Variants in MPDZ observed in about 807,000 individuals in gnomAD.
MPDZ encodes the protein multiple PDZ domain crumbs cell polarity complex component.
A neutral mutation model predicts 239.1 loss-of-function variants in MPDZ; 234 were observed. The ratio of observed to expected loss-of-function variants is 0.98; its 90% CI spans 0.88 to 1.09. MPDZ has a LOEUF of 1.09. MPDZ is among the 50% of genes least tolerant of loss of function. The pLI is 0.00. For synonymous variants in MPDZ, 1,048 were observed against 881.3 expected, an observed-to-expected ratio of 1.19 and a Z score of -3.35; for missense variants, 3,175 against 2,510.0, an observed-to-expected ratio of 1.26 and a Z score of -5.66.
intron 21 of MPDZ, among the ~76,000 whole-genome samples, chr9:13,171,790 C>A (rs1300464169): frequency 1.3e-5 from 2 of 152,096 alleles, no homozygotes; most frequent in Non-Finnish European, 2.9e-5. Context: ...TTAATAACTT[C>A]TTCTGGTCAT....
At chr9:13,200,009 G>C (rs1429287327) in intron 12 of MPDZ, among the ~76,000 whole-genome samples, 2 of 151,968 alleles carry the variant, frequency 1.3e-5, no homozygotes, top group Non-Finnish European at 2.9e-5. Flanking sequence ...CAATTTTTTG[G>C]AATAGTTTAG....
At chr9:13,235,353 T>A (rs1963665242) in intron 3 of MPDZ, among the ~76,000 whole-genome samples, 2 of 152,190 alleles carry the variant, frequency 1.3e-5, no homozygotes, top group Non-Finnish European at 2.9e-5. Context: ...CAATTTTACA[T>A]TTTCTATGAG....
intron 2 of MPDZ, 70 bp downstream of exon 2, chr9:13,250,230 C>T: frequency 6.9e-7 from 1 of 1,445,564 alleles, no homozygotes; most frequent in Non-Finnish European, 9.5e-7. Context: ...TTAAACACAA[C>T]ATATGTCAAA....
At chr9:13,211,921 T>C (rs1306262223) in intron 10 of MPDZ, among the ~76,000 whole-genome samples, 1 of 152,112 alleles carries the variant, frequency 6.6e-6, no homozygotes, top group African/African-American at 2.4e-5. Flanking sequence ...TTTTATATTC[T>C]TTAAACCTTA....
At chr9:13,154,667 G>T (rs947071988) in intron 24 of MPDZ, among the ~76,000 whole-genome samples, 2 of 152,108 alleles carry the variant, frequency 1.3e-5, no homozygotes, top group African/African-American at 4.8e-5. Context: ...GATGGTGGTG[G>T]TTGTGGTGGT....
In MPDZ at chr9:13,216,881, T is replaced by C; in HGVS notation, c.1202-19A>G. ...GAAGGTTCTAAGATTAGAAATAGTT[T>C]ATTTTTCACAATTTTCAAAGCACAT... On this transcript the variant is annotated intron_variant, in intron 9 of 46. Transcript: ENST00000319217. The C allele has an allele frequency of 6.3e-7, 1 of 1,576,244 alleles. No homozygotes were observed. Among genetic ancestry groups the C allele is most frequent in the Non-Finnish European group, 8.7e-7 (1 of 1,151,702 alleles).
chr9:13,126,748 T>C lies in MPDZ; in HGVS notation c.4489A>G (p.Ile1497Val), dbSNP rs749945198. The change falls in exon 33 of 47, where the codon ATC (isoleucine) becomes GTC (valine). Residue 1497 changes from isoleucine (I) to valine (V), a missense_variant. Transcript: ENST00000319217. Reference protein sequence around the residue: ...PKDQGGLGIAISEEDTLSGVI... With the variant: ...PKDQGGLGIAVSEEDTLSGVI... Reference sequence around the variant, plus strand: ...CCACTGAGTGTATCTTCTTCGCTGATAGCAATACCCAAACCCCCCTGATCC... The same window carrying C: ...CCACTGAGTGTATCTTCTTCGCTGACAGCAATACCCAAACCCCCCTGATCC... 5 of 1,613,916 alleles carry C rather than the reference T, an allele frequency of 3.1e-6. No homozygotes were observed. Among genetic ancestry groups the C allele is most frequent in the Non-Finnish European group, 2.5e-6 (3 of 1,179,832 alleles).
chr9:13,173,714 A>AG (rs1458692100), intron 21 of MPDZ, among the ~76,000 whole-genome samples: 2 of 152,044 alleles, frequency 1.3e-5, no homozygotes, highest in African/African-American at 4.8e-5. Context: ...CAAAAAAAAA[A>AG]AAAAAATTGG....
Position 13,176,386 on chromosome 9 carries a change from A to G in MPDZ, c.2681T>C (p.Leu894Pro). 1 of 1,589,030 alleles carries G rather than the reference A, an allele frequency of 6.3e-7. No homozygotes were observed. The highest frequency in any genetic ancestry group is 1.3e-5 in the African/African-American group (1 of 74,356). Reference sequence around the variant, plus strand: ...TTCCTCCAGAGACATATGCAGATCAAGTACTGGATCACAAGAATTTTCAAT... The same window carrying G: ...TTCCTCCAGAGACATATGCAGATCAGGTACTGGATCACAAGAATTTTCAAT... ...DVIENSCDPVLDLHMSLEELY... is the reference protein window; with the variant it reads ...DVIENSCDPVPDLHMSLEELY... Residue 894 changes from leucine (L) to proline (P), a missense_variant, in exon 20 of 47, where the codon CTT (leucine) becomes CCT (proline). Leu to Pro is a moderately conservative substitution (Grantham distance 98). Coordinates refer to ENST00000319217, the MANE Select transcript of MPDZ (RefSeq NM_001378778.1).
At position 13,205,883 on chromosome 9, in the gene MPDZ, G is replaced by A. The variant is rs975683401; in HGVS notation, c.1474+33C>T. The A allele has an allele frequency of 5.9e-6, 9 of 1,516,876 alleles. No individual in the cohort carries two copies. In the African/African-American group the frequency reaches 8.4e-5, roughly 14 times the overall value. The allele number at this position is 1,516,876 out of a possible 1,614,324, so 94.0% of individuals were successfully genotyped here. ...AAAAAAAATTGGAGACAATATAAAG[G>A]TCTAACTAAAAACCAGATTAACATA... On this transcript the variant is annotated intron_variant, in intron 11 of 46. Transcript: ENST00000319217.
intron 23 of MPDZ, among the ~76,000 whole-genome samples, chr9:13,161,984 C>G (rs533689182): frequency 6.6e-6 from 1 of 152,208 alleles, no homozygotes; most frequent in African/African-American, 2.4e-5. Context: ...TGTTTCTGGT[C>G]TAGGCATGGT....
rs1282116755 is a variant in MPDZ at position 13,186,354 on chromosome 9, C to G, written c.2397G>C (p.Lys799Asn). ...GTGGTGGGTAGAGAAAGGAATCCTC[C>G]TTAGCAGAAACATAACCTTCTTCTG... ...LSPEEGYVSA[K>N]EDSFLYPPHS... Residue 799 changes from lysine to asparagine, a missense_variant, in exon 18 of 47, where the codon AAG (lysine) becomes AAC (asparagine). Transcript: ENST00000319217. 1.3e-6 allele frequency: 2 copies of G among 1,587,716 alleles called. No individual in the cohort carries two copies. Among genetic ancestry groups the G allele is most frequent in the Admixed American group, 1.8e-5 (1 of 56,624 alleles).
At chr9:13,151,215 G>A (rs912011275) in intron 24 of MPDZ, among the ~76,000 whole-genome samples, 9 of 151,930 alleles carry the variant, frequency 5.9e-5, no homozygotes, top group African/African-American at 2.2e-4. Context: ...TGGTAGAAAT[G>A]TAAAATCGTG....
chr9:13,254,125 C>A (rs549494899), intron 1 of MPDZ, among the ~76,000 whole-genome samples: 1 of 152,116 alleles, frequency 6.6e-6, no homozygotes, highest in Non-Finnish European at 1.5e-5. Flanking sequence ...AAAGTGAAAC[C>A]AAAGGAAGAA....
intron 11 of MPDZ, 24 bp from the exon 12 acceptor site, chr9:13,205,131 A>T: frequency 7.9e-7 from 1 of 1,261,800 alleles, no homozygotes; most frequent in Non-Finnish European, 1.1e-6. Flanking sequence ...ATATTTTAGT[A>T]ATTTTATCTT....
Position 13,133,899 on chromosome 9 carries a change from C to G in MPDZ, c.4389G>C (p.Glu1463Asp), listed in dbSNP as rs1946374372. The part of the protein sequence containing the change: ...NSENLQNKET[E>D]PTVTTSDAAV... ...CTGCATCAGAAGTAGTAACAGTTGG[C>G]TCTGTCTGACAGAGGGAAAGAAATG... The change falls in exon 32 of 47, where the codon GAG becomes GAC. Residue 1463 changes from glutamate (E) to aspartate (D), a missense_variant. By Grantham distance (45) the Glu-to-Asp change is conservative. Coordinates refer to ENST00000319217, the MANE Select transcript of MPDZ (RefSeq NM_001378778.1). 1 of 1,562,628 alleles carries G rather than the reference C, an allele frequency of 6.4e-7. No homozygotes were observed. The highest frequency in any genetic ancestry group is 1.4e-5 in the African/African-American group (1 of 73,426).
At chr9:13,119,942 G>A (rs1327218370) in intron 38 of MPDZ, 6 of 338,648 alleles carry the variant, frequency 1.8e-5, no homozygotes, top group Non-Finnish European at 2.7e-5. Flanking sequence ...TGGGTCACTC[G>A]GCTACTAAGT....
intron 10 of MPDZ, among the ~76,000 whole-genome samples, chr9:13,212,999 C>G (rs1353469580): frequency 1.3e-5 from 2 of 152,012 alleles, no homozygotes; most frequent in Non-Finnish European, 2.9e-5. Context: ...TCTATGAACA[C>G]AGTCACAGAA....
Position 13,221,387 on chromosome 9 carries a change from T to C in MPDZ, c.861A>G (p.Gly287=), listed in dbSNP as rs549732465. Residue 287 remains glycine, a synonymous_variant, in exon 7 of 47, where the codon GGA becomes GGG. Transcript: ENST00000319217. The part of the protein sequence containing the change: ...TGVIVKTILP[G]GVADQHGRLC... ...TGTAGCCTACCTGATCAGCTACTCC[T>C]CCAGGCAGAATGGTTTTTACTATCA... The C allele has an allele frequency of 6.2e-7, 1 of 1,609,598 alleles. No individual in the cohort carries two copies. The highest frequency in any genetic ancestry group is 1.1e-5 in the South Asian group (1 of 90,572).
Sources: allele counts gnomAD v4.1 joint callset (sites outside exome capture counted in the v4.1 genomes callset), GRCh38; gene constraint gnomAD v4.1.1; transcripts MANE v1.5; gene names NCBI Gene and HGNC (gene_info 2026-07-23, HGNC 2026-07-21).